RYR1: variants seen among roughly 807,000 people sequenced by gnomAD.
RYR1 encodes ryanodine receptor 1, also known as central core disease of muscle.
A neutral mutation model predicts 583.5 loss-of-function variants in RYR1; 342 were observed. That is an observed-to-expected ratio of 0.59 (90% CI 0.54 to 0.64). The LOEUF is 0.64. RYR1 is among the 30% of genes least tolerant of loss of function. The probability of loss-of-function intolerance (pLI) is 0.00; values close to 1 mark genes in which losing one functional copy is unlikely to be tolerated. For synonymous variants in RYR1, 2,791 were observed against 2,822.5 expected, an observed-to-expected ratio of 0.99 and a Z score of 0.35; for missense variants, 6,032 against 6,917.2, an observed-to-expected ratio of 0.87 and a Z score of 4.54.
In RYR1 at chr19:38,525,319, T is replaced by C; in HGVS notation, c.10456-13T>C. 6.2e-7 allele frequency: 1 copy of C among 1,613,056 alleles called. No homozygotes were observed. Among genetic ancestry groups the C allele is most frequent in the Non-Finnish European group, 8.5e-7 (1 of 1,179,622 alleles). ...TGGGGCTTGGGCTGGTGCTGAGCCC[T>C]GTGTCCCCACAGTCCGGTGGCTCGG... On this transcript the variant is annotated splice_polypyrimidine_tract_variant and intron_variant, in intron 70 of 105. Coordinates refer to ENST00000359596, the MANE Select transcript of RYR1 (RefSeq NM_000540.3).
chr19:38,575,398 G>C (rs923158120), intron 96 of RYR1, among the ~76,000 whole-genome samples: 3 of 152,232 alleles, frequency 2.0e-5, no homozygotes, highest in Non-Finnish European at 4.4e-5. Flanking sequence ...GGTGGCTCAC[G>C]CCTGTAATCC....
At chr19:38,585,505 G>A (rs774029680) in intron 102 of RYR1, among the ~76,000 whole-genome samples, 26 of 148,488 alleles carry the variant, frequency 1.8e-4, no homozygotes, top group Non-Finnish European at 3.1e-4. Context: ...AGGGAGTCTC[G>A]CTCTGTTGCC....
chr19:38,484,483 C>T (rs1969183324), intron 33 of RYR1, among the ~76,000 whole-genome samples: 1 of 140,388 alleles, frequency 7.1e-6, no homozygotes, highest in Admixed American at 7.2e-5. Flanking sequence ...TTCCTTTATT[C>T]ATTCATCCAT....
Position 38,468,330 on chromosome 19 carries a change from ATCCATCCATCCATTCTTCCAGCCAACTG to A in RYR1, c.3381+532_3381+559del, listed in dbSNP as rs1354364233. On this transcript the variant is annotated intron_variant, in intron 25 of 105. Transcript: ENST00000359596. The stretch of plus-strand genomic sequence containing the variant: ...TCATCCCTCATCCATCCAACCAACC[ATCCATCCATCCATTCTTCCAGCCAACTG>A]TCCATCCATCCATCCAATAACCATC... Among the ~76,000 whole-genome samples the A allele has an allele frequency of 7.9e-5, 12 of 151,514 alleles. No homozygotes were observed. The East Asian group carries it at 1.4e-3, about 17-fold the overall frequency.
intron 83 of RYR1, chr19:38,537,150 G>A (rs1025047198): frequency 2.3e-5 from 7 of 310,972 alleles, no homozygotes; most frequent in South Asian, 1.8e-4. Flanking sequence ...TCTGCACCCC[G>A]ACCTCAGATT....
At chr19:38,460,649 G>C (rs1479337824) in intron 20 of RYR1, 58 bp downstream of exon 20, 24 of 1,495,950 alleles carry the variant, frequency 1.6e-5, no homozygotes, top group Non-Finnish European at 1.9e-5. Flanking sequence ...GAGTCAGAGA[G>C]GGGGCAGGGT....
At chr19:38,580,342 AG>A (rs1974143850) in intron 100 of RYR1, 27 bp from the exon 101 acceptor site, 1 of 1,613,146 alleles carries the variant, frequency 6.2e-7, no homozygotes. Flanking sequence ...CCCAGGGCGG[AG>A]CTGACCTGGC....
In RYR1 at chr19:38,486,115, C is replaced by T. The variant is rs1193082244; in HGVS notation, c.5460C>T (p.Arg1820=). 1.2e-6 allele frequency: 2 copies of T among 1,612,982 alleles called. No homozygotes were observed. The highest frequency in any genetic ancestry group is 1.7e-6 in the Non-Finnish European group (2 of 1,179,770). Reference sequence around the variant, plus strand: ...TGAGGATGCTGGGGGAGGCGGTGCGCGACGGTGGGCAGCACGCTCGCGACC... The same window carrying T: ...TGAGGATGCTGGGGGAGGCGGTGCGTGACGGTGGGCAGCACGCTCGCGACC... The part of the protein sequence containing the change: ...KALRMLGEAV[R]DGGQHARDPV... Residue 1820 remains arginine, a synonymous_variant, in exon 34 of 106, where the codon CGC becomes CGT. Transcript: ENST00000359596.
Position 38,494,102 on chromosome 19 carries a change from G to A in RYR1, c.6275-250G>A, listed in dbSNP as rs538777467. ...GAGGATCACTTGAGCCCGGGAGTTC[G>A]AGGCTGAAGTGAGCTGTGATAGCCC... On this transcript the variant is annotated intron_variant, in intron 38 of 105. Coordinates refer to ENST00000359596, the MANE Select transcript of RYR1 (RefSeq NM_000540.3). Among the ~76,000 whole-genome samples the A allele has an allele frequency of 5.9e-5, 9 of 152,216 alleles. No homozygotes were observed. The South Asian group carries it at 1.5e-3, about 25-fold the overall frequency.
chr19:38,517,027 T>A (rs1971002071), intron 65 of RYR1, among the ~76,000 whole-genome samples: 2 of 151,532 alleles, frequency 1.3e-5, no homozygotes, highest in African/African-American at 4.9e-5. Context: ...CAGGGTGGGG[T>A]TGGAAAAGGT....
chr19:38,496,298 T>C lies in RYR1; in HGVS notation c.6632T>C (p.Met2211Thr). ...ATGCACGAGACGGTCATGGAGGTCA[T>C]GGTCAACGTCCTCGGGGGCGGCGAG... ...LGMHETVMEVMVNVLGGGESK... is the reference protein window; with the variant it reads ...LGMHETVMEVTVNVLGGGESK... The change falls in exon 40 of 106, where the codon ATG (methionine) becomes ACG (threonine). Residue 2211 changes from methionine (M) to threonine (T), a missense_variant. This residue lies in a region of RYR1 where 2,627 missense variants were observed against 2,961.3 expected (regional missense o/e 0.89). Coordinates refer to ENST00000359596, the MANE Select transcript of RYR1 (RefSeq NM_000540.3). The surrounding 1 kb of genome is among the most constrained non-coding windows in gnomAD (Gnocchi z 4.8). The C allele has an allele frequency of 6.2e-7, 1 of 1,614,004 alleles. No homozygotes were observed. Among genetic ancestry groups the C allele is most frequent in the Non-Finnish European group, 8.5e-7 (1 of 1,180,018 alleles).
chr19:38,488,083 C>T (rs540691633), intron 34 of RYR1, among the ~76,000 whole-genome samples: 3 of 152,308 alleles, frequency 2.0e-5, no homozygotes, highest in East Asian at 1.9e-4. Context: ...TCCCGAAGTA[C>T]TGTGATTACA....
chr19:38,499,023 G>T lies in RYR1; in HGVS notation c.6892-85G>T. The T allele has an allele frequency of 1.2e-5, 17 of 1,398,906 alleles. No individual in the cohort carries two copies. The highest frequency in any genetic ancestry group is 2.5e-5 in the East Asian group (1 of 39,424). 86.7% of individuals were successfully genotyped at this position (1,398,906 alleles called of 1,614,324 possible). A position where few individuals can be genotyped will look rare whatever the true frequency, so the allele number is the denominator to read the frequency against. ...GCTGAACCGGACTGAGGAGCCGCAG[G>T]GCAGGGCAGGGCAGGGCAGAGGGCT... is the stretch of plus-strand genomic sequence containing the variant. On this transcript the variant is annotated intron_variant, in intron 42 of 105. Coordinates refer to ENST00000359596, the MANE Select transcript of RYR1 (RefSeq NM_000540.3). This position sits in a 1 kb window ranked among gnomAD's most constrained non-coding sequence, Gnocchi z 7.3.
intron 24 of RYR1, among the ~76,000 whole-genome samples, chr19:38,467,083 C>T (rs1600713743): frequency 6.6e-6 from 1 of 152,144 alleles, no homozygotes; most frequent in African/African-American, 2.4e-5. Flanking sequence ...AGGCACCCAA[C>T]CAAGGGCTTA....
At position 38,448,666 on chromosome 19, in the gene RYR1, C is replaced by T. The variant is rs751251863; in HGVS notation, c.975C>T (p.Ala325=). 3 of 1,614,218 alleles carry T rather than the reference C, an allele frequency of 1.9e-6. No homozygotes were observed. In the Admixed American group the frequency reaches 5.0e-5, roughly 27 times the overall value. ...FRISKEKLDV[A]PKRDVEGMGP... is the part of the protein sequence containing the mutation. ...CCCTGTAGGAGAAGCTGGATGTGGCCCCCAAGCGGGATGTGGAGGGCATGG... is the reference window on the plus strand; with the variant it reads ...CCCTGTAGGAGAAGCTGGATGTGGCTCCCAAGCGGGATGTGGAGGGCATGG... Residue 325 remains alanine, a synonymous_variant, in exon 11 of 106, where the codon GCC becomes GCT. Coordinates refer to ENST00000359596, the MANE Select transcript of RYR1 (RefSeq NM_000540.3).
chr19:38,527,396 G>A (rs1223336505), intron 72 of RYR1, among the ~76,000 whole-genome samples: 1 of 152,222 alleles, frequency 6.6e-6, no homozygotes, highest in Non-Finnish European at 1.5e-5. Flanking sequence ...TGTAGTCCCG[G>A]CTACTCAGGA....
intron 16 of RYR1, among the ~76,000 whole-genome samples, chr19:38,456,146 ATT>A (rs36068366): frequency 5.5e-5 from 8 of 145,116 alleles, no homozygotes; most frequent in South Asian, 2.2e-4. Context: ...TAATTTTTGT[ATT>A]TTTTTTTTAG....
In RYR1 at chr19:38,444,750, C is replaced by A; in HGVS notation, c.631+73C>A. On this transcript the variant is annotated intron_variant, in intron 7 of 105. Coordinates refer to ENST00000359596, the MANE Select transcript of RYR1 (RefSeq NM_000540.3). The surrounding 1 kb of genome is among the most constrained non-coding windows in gnomAD (Gnocchi z 5.1). ...CCCTTAATGTTGCCCTTCAGGCATACCCAAATGGAGCCTTGGAACCTCAGA... is the reference window on the plus strand; with the variant it reads ...CCCTTAATGTTGCCCTTCAGGCATAACCAAATGGAGCCTTGGAACCTCAGA... 8.5e-7 allele frequency: 1 copy of A among 1,171,152 alleles called. No homozygotes were observed. Among genetic ancestry groups the A allele is most frequent in the Non-Finnish European group, 1.3e-6 (1 of 797,342 alleles). The allele number at this position is 1,171,152 out of a possible 1,614,324, so 72.5% of individuals were successfully genotyped here.
At position 38,438,729 on chromosome 19, in the gene RYR1, C is replaced by T. The variant is rs1326899924; in HGVS notation, c.46-2016C>T. 2.0e-5 allele frequency among the ~76,000 whole-genome samples: 3 copies of T among 150,604 alleles called. 1 individual carries two copies. Among genetic ancestry groups the T allele is most frequent in the African/African-American group, 7.3e-5 (3 of 40,898 alleles). ...CGCCTCCCAGGTTCACACCATTCTCCTGCCTCAGCCTCCCGAGTAGCTGGG... is the reference window on the plus strand; with the variant it reads ...CGCCTCCCAGGTTCACACCATTCTCTTGCCTCAGCCTCCCGAGTAGCTGGG... On this transcript the variant is annotated intron_variant, in intron 1 of 105. Coordinates refer to ENST00000359596, the MANE Select transcript of RYR1 (RefSeq NM_000540.3).
Sources: gnomAD v4.1 joint callset for allele counts (sites outside exome capture counted in the v4.1 genomes callset) on GRCh38, gnomAD v4.1.1 for gene constraint, gnomAD v4.1.1 regional missense constraint, Gnocchi (gnomAD v3.1) non-coding constraint, MANE v1.5 for transcripts, NCBI Gene and HGNC (gene_info 2026-07-23, HGNC 2026-07-21) for gene names.